Variants in HMCN1 observed in about 807,000 individuals in gnomAD.
HMCN1 encodes the protein hemicentin 1, also known as hemicentin-1.
Under a neutral mutation model 625.9 loss-of-function variants are expected in HMCN1, and 321 were observed. That is an observed-to-expected ratio of 0.51 (90% CI 0.47 to 0.56). The LOEUF (loss-of-function observed/expected upper bound fraction) is 0.56. Among genes scored for constraint, HMCN1 ranks in the 20% least tolerant of loss-of-function variants. The pLI is 0.00. For synonymous variants in HMCN1, 2,425 were observed against 2,417.6 expected (o/e 1.00, Z -0.09); for missense variants, 6,588 against 6,887.3 (o/e 0.96, Z 1.54).
chr1:186,122,959 G>T lies in HMCN1; in HGVS notation c.12238G>T (p.Val4080Phe). ...KIKLNVQVPP[V>F]ISPHLKEYVI... Reference sequence around the variant, plus strand: ...TTTTTTGTATATTTTAGTTCCTCCAGTCATTAGCCCTCATCTAAAGGAATA... The same window carrying T: ...TTTTTTGTATATTTTAGTTCCTCCATTCATTAGCCCTCATCTAAAGGAATA... The change falls in exon 81 of 107, where the codon GTC (valine) becomes TTC (phenylalanine). Residue 4080 changes from valine (V) to phenylalanine (F), a missense_variant. Val to Phe is a conservative substitution (Grantham distance 50). Coordinates refer to ENST00000271588, the MANE Select transcript of HMCN1 (RefSeq NM_031935.3). 6.2e-7 allele frequency: 1 copy of T among 1,613,726 alleles called. No homozygotes were observed.
intron 15 of HMCN1, 55 bp from the exon 16 acceptor site, chr1:185,977,732 T>TAA (rs2101989576): frequency 1.9e-6 from 2 of 1,051,968 alleles, no homozygotes; most frequent in Non-Finnish European, 3.0e-6. Flanking sequence ...AGTTTATGTT[T>TAA]AATATGCCTG....
At chr1:185,885,579 G>C (rs989350393) in intron 4 of HMCN1, among the ~76,000 whole-genome samples, 3 of 151,612 alleles carry the variant, frequency 2.0e-5, no homozygotes, top group Non-Finnish European at 4.4e-5. Context: ...CTATAGTAAG[G>C]GAGTATGTTT....
At chr1:186,161,853 A>C (rs188813683) in intron 97 of HMCN1, among the ~76,000 whole-genome samples, 197 of 152,026 alleles carry the variant, frequency 1.3e-3, no homozygotes, top group African/African-American at 4.6e-3. Flanking sequence ...TGCCCTTAAC[A>C]TTTTTTCCTT....
chr1:185,799,748 TG>T (rs1658663208), intron 1 of HMCN1, among the ~76,000 whole-genome samples: 1 of 152,116 alleles, frequency 6.6e-6, no homozygotes, highest in Admixed American at 6.5e-5. Flanking sequence ...TATAATGGGC[TG>T]TGCAGGTGAC....
chr1:186,035,611 T>C (rs1362279827), intron 36 of HMCN1, among the ~76,000 whole-genome samples: 1 of 152,144 alleles, frequency 6.6e-6, no homozygotes, highest in African/African-American at 2.4e-5. Context: ...TAGGTTTTAA[T>C]ATTAATCAAT....
intron 11 of HMCN1, among the ~76,000 whole-genome samples, chr1:185,960,680 A>C (rs930760645): frequency 1.3e-5 from 2 of 152,242 alleles, no homozygotes; most frequent in Non-Finnish European, 2.9e-5. Flanking sequence ...CATTTCTGGC[A>C]GACTACATTG....
intron 64 of HMCN1, among the ~76,000 whole-genome samples, chr1:186,091,217 A>C (rs1380831039): frequency 6.6e-6 from 1 of 152,006 alleles, no homozygotes; most frequent in Non-Finnish European, 1.5e-5. Context: ...TTATTCTTGT[A>C]ATTTCAGAAT....
intron 46 of HMCN1, 23 bp from the exon 47 acceptor site, chr1:186,061,828 A>T (rs759055885): frequency 6.6e-7 from 1 of 1,521,976 alleles, no homozygotes; most frequent in South Asian, 1.1e-5. Flanking sequence ...AAGTTATCTT[A>T]AAAAGATGGT....
intron 55 of HMCN1, among the ~76,000 whole-genome samples, chr1:186,079,852 G>A (rs1235274732): frequency 1.3e-5 from 2 of 152,158 alleles, no homozygotes; most frequent in African/African-American, 2.4e-5. Flanking sequence ...CAAATTCTGA[G>A]TTAGGGCTGT....
chr1:185,791,262 C>T (rs537816537), intron 1 of HMCN1, among the ~76,000 whole-genome samples: 5 of 152,118 alleles, frequency 3.3e-5, no homozygotes, highest in Non-Finnish European at 4.4e-5. Flanking sequence ...ATAGTAGGCC[C>T]TCAATAAATA....
intron 1 of HMCN1, among the ~76,000 whole-genome samples, chr1:185,794,788 A>G (rs1028829933): frequency 1.3e-5 from 2 of 151,572 alleles, no homozygotes; most frequent in Non-Finnish European, 2.9e-5. Context: ...AATCCAATCA[A>G]GTTGACATTC....
At chr1:186,113,511 T>C (rs1395045642) in intron 72 of HMCN1, among the ~76,000 whole-genome samples, 1 of 152,224 alleles carries the variant, frequency 6.6e-6, no homozygotes, top group Non-Finnish European at 1.5e-5. Flanking sequence ...TCTATTCCCA[T>C]ATGAACTCAA....
intron 42 of HMCN1, among the ~76,000 whole-genome samples, chr1:186,051,594 T>TTGTG (rs1306433624): frequency 1.3e-5 from 2 of 152,082 alleles, no homozygotes; most frequent in African/African-American, 4.8e-5. Context: ...ATCTATGTAA[T>TTGTG]TGTGTCATTT....
chr1:185,906,128 T>A (rs1666084216), intron 4 of HMCN1, among the ~76,000 whole-genome samples: 1 of 151,814 alleles, frequency 6.6e-6, no homozygotes, highest in African/African-American at 2.4e-5. Context: ...AATTACAGAT[T>A]TTTAATTTTC....
intron 94 of HMCN1, 50 bp downstream of exon 94, chr1:186,151,399 A>C (rs368441176): frequency 1.3e-6 from 2 of 1,528,530 alleles, no homozygotes; most frequent in African/African-American, 1.4e-5. Flanking sequence ...ATTATTCTTC[A>C]TCTTATTACT....
intron 6 of HMCN1, among the ~76,000 whole-genome samples, chr1:185,920,770 A>G (rs74134210): frequency 0.015 from 2,208 of 152,254 alleles, 37 homozygotes; most frequent in African/African-American, 0.046. Flanking sequence ...ATTAGCACTT[A>G]ATAGCAGTCA....
At position 186,166,282 on chromosome 1, in the gene HMCN1, G is replaced by T; in HGVS notation, c.15418G>T (p.Ala5140Ser). The T allele has an allele frequency of 6.2e-7, 1 of 1,614,136 alleles. No individual in the cohort carries two copies. The highest frequency in any genetic ancestry group is 8.5e-7 in the Non-Finnish European group (1 of 1,179,998). The change falls in exon 99 of 107, where the codon GCA becomes TCA. Residue 5140 changes from alanine to serine, a missense_variant. This residue lies in a region of HMCN1 where 1,954 missense variants were observed against 2,013.1 expected (regional missense o/e 0.97). Transcript: ENST00000271588. Reference sequence around the variant, plus strand: ...CTGCCCTAAAGGCCTCACCATAGCTGCAGATGGAAGAACTTGTCAAGGTAT... The same window carrying T: ...CTGCCCTAAAGGCCTCACCATAGCTTCAGATGGAAGAACTTGTCAAGGTAT... Reference protein sequence around the residue: ...CSCPKGLTIAADGRTCQDIDE... With the variant: ...CSCPKGLTIASDGRTCQDIDE...
At chr1:186,081,804 A>T (rs554821531) in intron 56 of HMCN1, among the ~76,000 whole-genome samples, 1 of 152,336 alleles carries the variant, frequency 6.6e-6, no homozygotes, top group South Asian at 2.1e-4. Flanking sequence ...TATGAAAATC[A>T]CATACATATC....
intron 97 of HMCN1, among the ~76,000 whole-genome samples, chr1:186,161,427 G>A (rs1283245283): frequency 1.3e-5 from 2 of 151,900 alleles, no homozygotes; most frequent in African/African-American, 4.8e-5. Flanking sequence ...TACATTTAAA[G>A]TTAATATTGT....
Sources: gnomAD v4.1 joint callset for allele counts (sites outside exome capture counted in the v4.1 genomes callset) on GRCh38, gnomAD v4.1.1 for gene constraint, gnomAD v4.1.1 regional missense constraint, MANE v1.5 for transcripts, NCBI Gene and HGNC (gene_info 2026-07-23, HGNC 2026-07-21) for gene names.